TBC1D20: variants seen among roughly 807,000 people sequenced by gnomAD.
TBC1D20 encodes TBC1 domain family member 20.
Under a neutral mutation model 41.6 loss-of-function variants are expected in TBC1D20, and 12 were observed. That is an observed-to-expected ratio of 0.29 (90% CI 0.18 to 0.47). The LOEUF (loss-of-function observed/expected upper bound fraction) is 0.47, where lower values mean the gene tolerates loss of function less well. TBC1D20 is among the 20% of genes least tolerant of loss of function. The pLI, the probability that TBC1D20 is intolerant of heterozygous loss-of-function variation, is 1.00. For synonymous variants in TBC1D20, 205 were observed against 204.8 expected (o/e 1.00, Z -0.01); for missense variants, 421 against 517.4 (o/e 0.81, Z 1.81).
intron 1 of TBC1D20, among the ~76,000 whole-genome samples, chr20:460,434 CAAAAA>C (rs10580827): frequency 8.5e-5 from 11 of 128,740 alleles, no homozygotes; most frequent in Non-Finnish European, 6.7e-5. Context: ...TCCCATCTCT[CAAAAA>C]AAAAAAAAAA....
intron 5 of TBC1D20, 74 bp from the exon 6 acceptor site, chr20:440,463 G>C: frequency 6.5e-7 from 1 of 1,541,532 alleles, no homozygotes; most frequent in South Asian, 1.2e-5. Flanking sequence ...TATAGCGCTG[G>C]TGAGAAGGAA....
rs530983496 is a variant in TBC1D20 at position 457,174 on chromosome 20, G to A, written c.70+5162C>T. ...TGGTCTCGAACTCCCCACCTCAGGTGATCCGCCCACCTTGGCCTCCCAAAG... is the reference window on the plus strand; with the variant it reads ...TGGTCTCGAACTCCCCACCTCAGGTAATCCGCCCACCTTGGCCTCCCAAAG... On this transcript the variant is annotated intron_variant, in intron 1 of 7. Coordinates refer to ENST00000354200, the MANE Select transcript of TBC1D20 (RefSeq NM_144628.4). 6.4e-4 allele frequency among the ~76,000 whole-genome samples: 97 copies of A among 152,124 alleles called. 1 individual carries two copies. The highest frequency in any genetic ancestry group is 4.1e-3 in the South Asian group (20 of 4,824).
chr20:448,090 G>A lies in TBC1D20; in HGVS notation c.71-16C>T. On this transcript the variant is annotated splice_polypyrimidine_tract_variant and intron_variant, in intron 1 of 7. Transcript: ENST00000354200. ...GCGTTAAAGTCTGAAGATAAGGATA[G>A]GGAAGAATTAGGCGCACATTCAGCA... 1 of 1,599,260 alleles carries A rather than the reference G, an allele frequency of 6.3e-7. No homozygotes were observed. The highest frequency in any genetic ancestry group is 8.6e-7 in the Non-Finnish European group (1 of 1,167,292).
At chr20:446,615 AC>A (rs2017337732) in intron 2 of TBC1D20, among the ~76,000 whole-genome samples, 1 of 152,192 alleles carries the variant, frequency 6.6e-6, no homozygotes, top group African/African-American at 2.4e-5. Context: ...TGCTAGGATT[AC>A]AGGCGTGAGC....
intron 2 of TBC1D20, among the ~76,000 whole-genome samples, chr20:446,675 T>G (rs117638400): frequency 6.6e-6 from 1 of 152,064 alleles, no homozygotes; most frequent in South Asian, 2.1e-4. Context: ...TTAATTTTAC[T>G]TTACTTTTAG....
At position 438,854 on chromosome 20, in the gene TBC1D20, G is replaced by C. The variant is rs1386226226; in HGVS notation, c.957-13C>G. ...AGAGGCTGCCGTCCTGCAGGGGAAA[G>C]AGACGGAAGGAAGGAAGTGGTATGA... On this transcript the variant is annotated splice_polypyrimidine_tract_variant and intron_variant, in intron 7 of 7. Transcript: ENST00000354200. 1.2e-6 allele frequency: 2 copies of C among 1,610,422 alleles called. No individual in the cohort carries two copies. Among genetic ancestry groups the C allele is most frequent in the Non-Finnish European group, 1.7e-6 (2 of 1,177,172 alleles).
intron 1 of TBC1D20, among the ~76,000 whole-genome samples, chr20:455,475 G>A (rs966756759): frequency 6.6e-6 from 1 of 151,760 alleles, no homozygotes; most frequent in Admixed American, 6.6e-5. Context: ...AAAATTAGCC[G>A]GGTGTGGTGG....
chr20:454,250 AAAG>A (rs1234892543), intron 1 of TBC1D20, among the ~76,000 whole-genome samples: 2 of 151,060 alleles, frequency 1.3e-5, no homozygotes, highest in Non-Finnish European at 2.9e-5. Context: ...AAAAAAAAAA[AAAG>A]GCAGAAAGAA....
At chr20:442,188 A>T in intron 3 of TBC1D20, 145 bp from the exon 4 acceptor site, 1 of 718,218 alleles carries the variant, frequency 1.4e-6, no homozygotes, top group Non-Finnish European at 2.2e-6. Context: ...TCCACTGTTG[A>T]TACCACCTGG....
rs540513292 is a variant in TBC1D20, at chr20:438,740, T to A, written c.1058A>T (p.Asp353Val). The A allele has an allele frequency of 3.1e-6, 5 of 1,614,192 alleles. No homozygotes were observed. The South Asian group carries it at 5.5e-5, about 18-fold the overall frequency. ...CTTGGTCAGGACATCTTTTGTTCGA[T>A]CTTCAGGCCGCAGAAGTCCCCGAAA... ...QRFRGLLRPEDRTKDVLTKPR... is the reference protein window; with the variant it reads ...QRFRGLLRPEVRTKDVLTKPR... The change falls in exon 8 of 8, where the codon GAT becomes GTT. Residue 353 changes from aspartate (D) to valine (V), a missense_variant. Asp to Val is a radical substitution (Grantham distance 152, BLOSUM62 -3). Coordinates refer to ENST00000354200, the MANE Select transcript of TBC1D20 (RefSeq NM_144628.4).
chr20:446,943 A>ATT (rs35489596), intron 2 of TBC1D20, among the ~76,000 whole-genome samples: 592 of 75,876 alleles, frequency 7.8e-3, no homozygotes, highest in Middle Eastern at 0.02. Context: ...CAAAATACGC[A>ATT]TTTTTTTTTT....
intron 5 of TBC1D20, chr20:440,777 C>T (rs910900510): frequency 1.8e-5 from 3 of 168,056 alleles, no homozygotes; most frequent in African/African-American, 7.2e-5. Flanking sequence ...TTTCTGTTAA[C>T]ATGAGACAAC....
At chr20:440,700 C>T (rs1035536836) in intron 5 of TBC1D20, 7 of 277,404 alleles carry the variant, frequency 2.5e-5, no homozygotes, top group Admixed American at 2.5e-4. Context: ...CTCCTTCTGA[C>T]TAAGTCTTAC....
In TBC1D20 at chr20:437,961, C is replaced by T. The variant is rs2017150458; in HGVS notation, c.*625G>A. On this transcript the variant is annotated 3_prime_UTR_variant, in exon 8 of 8. Coordinates refer to ENST00000354200, the MANE Select transcript of TBC1D20 (RefSeq NM_144628.4). ...CTAGGCCCTAAAAATGAGCTTCCTT[C>T]CCACTTGACTGGAAACGCCCATGTG... 1 of 153,266 alleles carries T rather than the reference C, an allele frequency of 6.5e-6. No individual in the cohort carries two copies. Among genetic ancestry groups the T allele is most frequent in the Non-Finnish European group, 1.5e-5 (1 of 68,126 alleles). 9.5% of individuals were successfully genotyped at this position (153,266 alleles called of 1,614,324 possible). A position where few individuals can be genotyped will look rare whatever the true frequency, so the allele number is the denominator to read the frequency against.
intron 2 of TBC1D20, among the ~76,000 whole-genome samples, chr20:446,435 G>A (rs770776174): frequency 5.3e-5 from 8 of 151,948 alleles, no homozygotes; most frequent in Non-Finnish European, 1.0e-4. Flanking sequence ...CCGCCTCCTC[G>A]GTTCAAGCGA....
At chr20:441,292 T>C (rs2017225109) in intron 5 of TBC1D20, 4 of 317,724 alleles carry the variant, frequency 1.3e-5, no homozygotes, top group South Asian at 6.6e-5. Flanking sequence ...CACAGGACTT[T>C]GTGTTTCTCT....
chr20:455,139 G>C (rs138342485), intron 1 of TBC1D20, among the ~76,000 whole-genome samples: 2 of 152,276 alleles, frequency 1.3e-5, no homozygotes, highest in East Asian at 3.9e-4. Context: ...CGGTAAACCT[G>C]TCCTCCTGGC....
At position 445,093 on chromosome 20, in the gene TBC1D20, T is replaced by C. The variant is rs2017307278; in HGVS notation, c.294A>G (p.Gln98=). The change falls in exon 3 of 8, where the codon CAA becomes CAG. Residue 98 remains glutamine, a synonymous_variant. Coordinates refer to ENST00000354200, the MANE Select transcript of TBC1D20 (RefSeq NM_144628.4). ...ATGACCGCCGGACGTCCAGCAACAC[T>C]TGTTGGTAGTCCTTGCTCATCTGCC... is the stretch of plus-strand genomic sequence containing the variant. ...NLRQMSKDYQ[Q]VLLDVRRSLR... The C allele has an allele frequency of 1.2e-6, 2 of 1,605,582 alleles. No homozygotes were observed. The highest frequency in any genetic ancestry group is 1.7e-6 in the Non-Finnish European group (2 of 1,174,860).
At position 462,365 on chromosome 20, in the gene TBC1D20, C is replaced by A; in HGVS notation, c.41G>T (p.Gly14Val). The A allele has an allele frequency of 7.6e-7, 1 of 1,307,438 alleles. No individual in the cohort carries two copies. The highest frequency in any genetic ancestry group is 9.8e-7 in the Non-Finnish European group (1 of 1,018,574). The allele number at this position is 1,307,438 out of a possible 1,614,324, so 81.0% of individuals were successfully genotyped here. A position where few individuals can be genotyped will look rare whatever the true frequency, so the allele number is the denominator to read the frequency against. The change falls in exon 1 of 8, where the codon GGC becomes GTC. Residue 14 changes from glycine to valine, a missense_variant. Around this residue, in one of 3 missense-constraint regions of TBC1D20, gnomAD observed 150 missense variants for 151.3 expected, o/e 0.99. Transcript: ENST00000354200. ...CTTCTCCGCGCCGCCGTCCCAGTGG[C>A]CGGAGGTGGGGCCGTCGCCCTGCGC... Reference protein sequence around the residue: ...RSAQGDGPTSGHWDGGAEKAD... With the variant: ...RSAQGDGPTSVHWDGGAEKAD...
Sources: gnomAD v4.1 joint callset for allele counts (sites outside exome capture counted in the v4.1 genomes callset) on GRCh38, gnomAD v4.1.1 for gene constraint, gnomAD v4.1.1 regional missense constraint, MANE v1.5 for transcripts, NCBI Gene and HGNC (gene_info 2026-07-23, HGNC 2026-07-21) for gene names.